The following OSBPL3 variants were observed in gnomAD, a reference collection of about 807,000 sequenced individuals.
The protein encoded by OSBPL3 is oxysterol-binding protein-related protein 3.
OSBPL3 carries 65 observed loss-of-function variants against 120.1 expected under a neutral mutation model. The observed-to-expected ratio is 0.54, with a 90% CI of 0.44 to 0.67. The LOEUF is 0.67. OSBPL3 is among the 30% of genes least tolerant of loss of function. The pLI, the probability that OSBPL3 is intolerant of heterozygous loss-of-function variation, is 0.00. For synonymous variants in OSBPL3, 416 were observed against 402.6 expected, an observed-to-expected ratio of 1.03 and a Z score of -0.40; for missense variants, 1,004 against 1,082.1, an observed-to-expected ratio of 0.93 and a Z score of 1.01.
chr7:24,848,948 G>A (rs1584362611), intron 12 of OSBPL3, 121 bp downstream of exon 12: 1 of 677,404 alleles, frequency 1.5e-6, no homozygotes, highest in South Asian at 1.7e-5. Context: ...ACCCAGAGGA[G>A]GAGGGCAGAG....
chr7:24,870,886 T>C, intron 4 of OSBPL3, 41 bp from the exon 5 acceptor site: 1 of 1,249,156 alleles, frequency 8.0e-7, no homozygotes, highest in South Asian at 1.2e-5. Flanking sequence ...ACCATGGTGT[T>C]AGAAGCAGTA....
chr7:24,822,055 G>A lies in OSBPL3; in HGVS notation c.1885-1817C>T, dbSNP rs978464614. 6.6e-6 allele frequency among the ~76,000 whole-genome samples: 1 copy of A among 151,918 alleles called. No homozygotes were observed. Among genetic ancestry groups the A allele is most frequent in the African/African-American group, 2.4e-5 (1 of 41,338 alleles). The stretch of plus-strand genomic sequence containing the variant: ...CGCCCGGCTAATTTTTTCACTTTTT[G>A]TAGGGATGGGGTCATGCTATGTTGC... On this transcript the variant is annotated intron_variant, in intron 16 of 22. Coordinates refer to ENST00000313367, the MANE Select transcript of OSBPL3 (RefSeq NM_015550.4). This position sits in a 1 kb window ranked among gnomAD's most constrained non-coding sequence, Gnocchi z 5.8.
In OSBPL3 at chr7:24,891,771, G is replaced by C. The variant is rs992737961; in HGVS notation, c.96+606C>G. Among the ~76,000 whole-genome samples, 5 of 152,136 alleles carry C rather than the reference G, an allele frequency of 3.3e-5. No individual in the cohort carries two copies. The highest frequency in any genetic ancestry group is 1.3e-4 in the Admixed American group (2 of 15,268). On this transcript the variant is annotated intron_variant, in intron 2 of 22. Coordinates refer to ENST00000313367, the MANE Select transcript of OSBPL3 (RefSeq NM_015550.4). This position sits in a 1 kb window ranked among gnomAD's most constrained non-coding sequence, Gnocchi z 4.1. ...GTTAATTATTCATTCCTTTGTTTCA[G>C]TTCTTTCTTCCTCCTACTTAATTTC...
chr7:24,832,020 T>C (rs1439189666), intron 15 of OSBPL3, among the ~76,000 whole-genome samples: 1 of 151,798 alleles, frequency 6.6e-6, no homozygotes, highest in Non-Finnish European at 1.5e-5. Context: ...CTGGACAACA[T>C]GGCGAAACCT....
Position 24,972,979 on chromosome 7 carries a change from A to C in OSBPL3, c.-150+6907T>G, listed in dbSNP as rs1382298842. 2.6e-5 allele frequency among the ~76,000 whole-genome samples: 4 copies of C among 152,348 alleles called. No homozygotes were observed. The highest frequency in any genetic ancestry group is 9.6e-5 in the African/African-American group (4 of 41,576). On this transcript the variant is annotated intron_variant, in intron 1 of 22. Transcript: ENST00000313367. The surrounding 1 kb of genome is among the most constrained non-coding windows in gnomAD (Gnocchi z 4.3). ...GGAGAAATGTTACATTGAGGAAAGTATCTGACCCACACAATACTAAAAATA... is the reference window on the plus strand; with the variant it reads ...GGAGAAATGTTACATTGAGGAAAGTCTCTGACCCACACAATACTAAAAATA...
Position 24,804,514 on chromosome 7 carries a change from G to A in OSBPL3, c.2445-77C>T, listed in dbSNP as rs1282940186. ...ACAATCATTACTACTCAACTTGCAT[G>A]TGTCCACGACTGGATATTCAAAATC... On this transcript the variant is annotated intron_variant, in intron 21 of 22. Coordinates refer to ENST00000313367, the MANE Select transcript of OSBPL3 (RefSeq NM_015550.4). This position sits in a 1 kb window ranked among gnomAD's most constrained non-coding sequence, Gnocchi z 5.4. 1.3e-5 allele frequency: 18 copies of A among 1,396,404 alleles called. No homozygotes were observed. In the African/African-American group the frequency reaches 1.6e-4, roughly 12 times the overall value. 86.5% of individuals were successfully genotyped at this position (1,396,404 alleles called of 1,614,324 possible).
At position 24,815,296 on chromosome 7, in the gene OSBPL3, A is replaced by G; in HGVS notation, c.2028-93T>C. The G allele has an allele frequency of 1.0e-6, 1 of 958,874 alleles. No homozygotes were observed. Among genetic ancestry groups the G allele is most frequent in the Non-Finnish European group, 1.6e-6 (1 of 615,960 alleles). The allele number at this position is 958,874 out of a possible 1,614,324, so 59.4% of individuals were successfully genotyped here. A position where few individuals can be genotyped will look rare whatever the true frequency, so the allele number is the denominator to read the frequency against. ...GCTCTTTTATAAAATAAGTCATGCA[A>G]TGCATTATTCATCTCTTTATTCACA... On this transcript the variant is annotated intron_variant, in intron 18 of 22. Transcript: ENST00000313367. The surrounding 1 kb of genome is among the most constrained non-coding windows in gnomAD (Gnocchi z 5.1).
intron 1 of OSBPL3, among the ~76,000 whole-genome samples, chr7:24,951,005 C>A (rs886907826): frequency 2.0e-5 from 3 of 152,024 alleles, no homozygotes; most frequent in African/African-American, 7.3e-5. Flanking sequence ...ATTAAAGTTG[C>A]ATTTATATGA....
chr7:24,864,918 C>T, intron 7 of OSBPL3, among the ~76,000 whole-genome samples: 1 of 152,174 alleles, frequency 6.6e-6, no homozygotes. Flanking sequence ...GGTATTACTG[C>T]ATTTTAAAAG....
In OSBPL3 at chr7:24,967,576, A is replaced by C. The variant is rs1816529127; in HGVS notation, c.-150+12310T>G. 6.6e-6 allele frequency among the ~76,000 whole-genome samples: 1 copy of C among 152,200 alleles called. No individual in the cohort carries two copies. The highest frequency in any genetic ancestry group is 6.5e-5 in the Admixed American group (1 of 15,282). On this transcript the variant is annotated intron_variant, in intron 1 of 22. Coordinates refer to ENST00000313367, the MANE Select transcript of OSBPL3 (RefSeq NM_015550.4). This position sits in a 1 kb window ranked among gnomAD's most constrained non-coding sequence, Gnocchi z 5.6. The stretch of plus-strand genomic sequence containing the variant: ...TAAATCAGGTGATGTTCTTTCAAAA[A>C]GTACAGAGAATAGTGTCTCACTTCC...
chr7:24,875,388 T>C (rs1047403431), intron 2 of OSBPL3, among the ~76,000 whole-genome samples: 1 of 152,230 alleles, frequency 6.6e-6, no homozygotes, highest in Non-Finnish European at 1.5e-5. Context: ...TATGTATAGG[T>C]ATATCTGATC....
At chr7:24,811,813 C>CATGGAT (rs1455571156) in intron 19 of OSBPL3, among the ~76,000 whole-genome samples, 1 of 152,150 alleles carries the variant, frequency 6.6e-6, no homozygotes, top group Non-Finnish European at 1.5e-5. Flanking sequence ...ATTATAAATG[C>CATGGAT]ATGGATTTAC....
At position 24,933,017 on chromosome 7, in the gene OSBPL3, C is replaced by T. The variant is rs1470843076; in HGVS notation, c.-149-40396G>A. On this transcript the variant is annotated intron_variant, in intron 1 of 22. Transcript: ENST00000313367. This position sits in a 1 kb window ranked among gnomAD's most constrained non-coding sequence, Gnocchi z 5.1. ...ACCGGACCTGATGCTGCTGCACCAA[C>T]TCCAGTCTTCACGGTTCACAGGAGG... 2.6e-5 allele frequency among the ~76,000 whole-genome samples: 4 copies of T among 152,220 alleles called. No individual in the cohort carries two copies. The South Asian group carries it at 6.2e-4, about 24-fold the overall frequency.
intron 1 of OSBPL3, among the ~76,000 whole-genome samples, 162 bp downstream of exon 1, chr7:24,979,724 G>A (rs940210021): frequency 1.3e-5 from 2 of 151,730 alleles, no homozygotes; most frequent in African/African-American, 4.8e-5. Context: ...AAGCTCCCAG[G>A]CTTGGGTCTG....
intron 1 of OSBPL3, among the ~76,000 whole-genome samples, chr7:24,905,406 G>A (rs1807750969): frequency 6.6e-6 from 1 of 152,188 alleles, no homozygotes; most frequent in African/African-American, 2.4e-5. Flanking sequence ...GGACCTGACA[G>A]TAAGCTATGC....
rs1800850977 is a variant in OSBPL3, at chr7:24,863,363, A to T, written c.778-71T>A. The T allele has an allele frequency of 1.4e-6, 2 of 1,425,096 alleles. No homozygotes were observed. Among genetic ancestry groups the T allele is most frequent in the Admixed American group, 3.3e-5 (2 of 59,730 alleles). 88.3% of individuals were successfully genotyped at this position (1,425,096 alleles called of 1,614,324 possible). A position where few individuals can be genotyped will look rare whatever the true frequency, so the allele number is the denominator to read the frequency against. On this transcript the variant is annotated intron_variant, in intron 8 of 22. Coordinates refer to ENST00000313367, the MANE Select transcript of OSBPL3 (RefSeq NM_015550.4). This position sits in a 1 kb window ranked among gnomAD's most constrained non-coding sequence, Gnocchi z 5.8. ...AAACCGACAAGGATAAATGCATAGC[A>T]AAGTGACCACCTCCATCCCCTTGAC...
chr7:24,874,580 G>C (rs1802599046), intron 2 of OSBPL3, among the ~76,000 whole-genome samples: 1 of 152,042 alleles, frequency 6.6e-6, no homozygotes, highest in Non-Finnish European at 1.5e-5. Context: ...TCCTGAGACA[G>C]AGTGCATTCC....
At position 24,806,924 on chromosome 7, in the gene OSBPL3, C is replaced by T. The variant is rs1208417983; in HGVS notation, c.2318-22G>A. ...GGATCTAAGAAGAAAATAAATCATT[C>T]ACCCCTAACTTGCATGTTACTTATG... On this transcript the variant is annotated intron_variant, in intron 20 of 22. Coordinates refer to ENST00000313367, the MANE Select transcript of OSBPL3 (RefSeq NM_015550.4). This position sits in a 1 kb window ranked among gnomAD's most constrained non-coding sequence, Gnocchi z 5.2. 2 of 1,597,284 alleles carry T rather than the reference C, an allele frequency of 1.3e-6. No individual in the cohort carries two copies. The highest frequency in any genetic ancestry group is 3.4e-5 in the Admixed American group (2 of 58,238).
In OSBPL3 at chr7:24,863,259, T is replaced by G; in HGVS notation, c.811A>C (p.Arg271=). Residue 271 remains arginine (R), a synonymous_variant, in exon 9 of 23, where the codon AGA becomes CGA. Transcript: ENST00000313367. The surrounding 1 kb of genome is among the most constrained non-coding windows in gnomAD (Gnocchi z 5.8). ...GSFESPKKEK[R]SHRRWRSRAI... ...CTGGACCGCCACCTCCTGTGCGATC[T>G]TTTTTCCTTTTTGGGACTTTCAAAA... 6.2e-7 allele frequency: 1 copy of G among 1,613,514 alleles called. No homozygotes were observed. Among genetic ancestry groups the G allele is most frequent in the Non-Finnish European group, 8.5e-7 (1 of 1,179,442 alleles).
Sources: allele counts gnomAD v4.1 joint callset (sites outside exome capture counted in the v4.1 genomes callset), GRCh38; gene constraint gnomAD v4.1.1; non-coding constraint Gnocchi (gnomAD v3.1); transcripts MANE v1.5; gene names NCBI Gene and HGNC (gene_info 2026-07-23, HGNC 2026-07-21).